The following TRAPPC3L variants were observed in gnomAD, a reference collection of about 807,000 sequenced individuals.
The protein encoded by TRAPPC3L is trafficking protein particle complex subunit 3-like protein.
A neutral mutation model predicts 23.7 loss-of-function variants in TRAPPC3L; 23 were observed. That is an observed-to-expected ratio of 0.97 (90% CI 0.70 to 1.37). The LOEUF is 1.37. Ranked by LOEUF, TRAPPC3L falls within the 40% of genes most tolerant of loss-of-function variation. The pLI, the probability that TRAPPC3L is intolerant of heterozygous loss-of-function variation, is 0.00. For synonymous variants in TRAPPC3L, 81 were observed against 77.9 expected, an observed-to-expected ratio of 1.04 and a Z score of -0.21; for missense variants, 212 against 216.8, an observed-to-expected ratio of 0.98 and a Z score of 0.14.
intron 1 of TRAPPC3L, chr6:116,543,661 C>T (rs1388963571): frequency 1.8e-5 from 13 of 714,718 alleles, no homozygotes; most frequent in African/African-American, 3.6e-5. Context: ...CATTTGCTTA[C>T]ATGATAACTT....
At chr6:116,517,860 A>G (rs1432109899) in intron 3 of TRAPPC3L, 6 of 152,194 alleles carry the variant, frequency 3.9e-5, no homozygotes, top group African/African-American at 1.2e-4. Context: ...TGAGTCGATC[A>G]CAAATGGATA....
At chr6:116,532,837 A>G (rs1391372682) in intron 3 of TRAPPC3L, among the ~76,000 whole-genome samples, 1 of 152,248 alleles carries the variant, frequency 6.6e-6, no homozygotes, top group Non-Finnish European at 1.5e-5. Context: ...TAGGTTAAGT[A>G]AGGTTAATCA....
intron 2 of TRAPPC3L, among the ~76,000 whole-genome samples, chr6:116,541,755 T>A (rs1388072975): frequency 1.3e-5 from 2 of 152,208 alleles, no homozygotes; most frequent in African/African-American, 2.4e-5. Context: ...ATTCTCACTT[T>A]GCATATCCAC....
chr6:116,527,524 A>AC (rs1487380546), intron 3 of TRAPPC3L, among the ~76,000 whole-genome samples: 2 of 149,472 alleles, frequency 1.3e-5, no homozygotes, highest in African/African-American at 2.5e-5. Context: ...CAAAACAAAA[A>AC]AAAAAAAAAA....
At chr6:116,540,859 C>T (rs1037049525) in intron 2 of TRAPPC3L, among the ~76,000 whole-genome samples, 1 of 151,918 alleles carries the variant, frequency 6.6e-6, no homozygotes, top group African/African-American at 2.4e-5. Context: ...TGTGTGATAC[C>T]CGGATGCTCG....
chr6:116,532,271 T>C (rs771477106), intron 3 of TRAPPC3L, among the ~76,000 whole-genome samples: 2 of 152,210 alleles, frequency 1.3e-5, no homozygotes, highest in Non-Finnish European at 2.9e-5. Flanking sequence ...TTGTCTTTTT[T>C]TTCCTTTTTC....
At chr6:116,519,949 A>C (rs1237068070) in intron 3 of TRAPPC3L, 1 of 152,222 alleles carries the variant, frequency 6.6e-6, no homozygotes, top group Non-Finnish European at 1.5e-5. Flanking sequence ...GTGGGAGAAA[A>C]AAAGGTATGT....
intron 3 of TRAPPC3L, among the ~76,000 whole-genome samples, chr6:116,533,976 T>G (rs1205674510): frequency 1.3e-5 from 2 of 152,156 alleles, no homozygotes; most frequent in African/African-American, 2.4e-5. Context: ...CACAGCAGCC[T>G]TCTCCACTAT....
chr6:116,495,976 G>A lies in TRAPPC3L; in HGVS notation c.*978C>T, dbSNP rs576810374. The A allele has an allele frequency of 3.3e-5, 5 of 152,246 alleles. No individual in the cohort carries two copies. Among genetic ancestry groups the A allele is most frequent in the South Asian group, 2.1e-4 (1 of 4,828 alleles). 9.4% of individuals were successfully genotyped at this position (152,246 alleles called of 1,614,324 possible). On this transcript the variant is annotated 3_prime_UTR_variant, in exon 5 of 5. Coordinates refer to ENST00000368602, the MANE Select transcript of TRAPPC3L (RefSeq NM_001139444.3). ...GTTTACAAATATTTTCTCCAATTCC[G>A]TAGGGTGGTATCACACTAATTATAA...
At chr6:116,515,986 G>A (rs1368807488) in intron 3 of TRAPPC3L, 1 of 1,586,816 alleles carries the variant, frequency 6.3e-7, no homozygotes, top group Non-Finnish European at 8.6e-7. Flanking sequence ...CCCACAATAT[G>A]TAGCTCATCC....
chr6:116,527,187 A>G (rs901795247), intron 3 of TRAPPC3L, among the ~76,000 whole-genome samples: 1 of 152,162 alleles, frequency 6.6e-6, no homozygotes, highest in Non-Finnish European at 1.5e-5. Flanking sequence ...CCAATTCAGT[A>G]GGTAAGTGTT....
chr6:116,499,641 A>C (rs567442965), intron 4 of TRAPPC3L, among the ~76,000 whole-genome samples: 1 of 151,910 alleles, frequency 6.6e-6, no homozygotes, highest in Non-Finnish European at 1.5e-5. Flanking sequence ...TGAGTGAAAC[A>C]CTCTTTTTGT....
At chr6:116,538,171 T>C (rs572336963) in intron 3 of TRAPPC3L, among the ~76,000 whole-genome samples, 1 of 152,348 alleles carries the variant, frequency 6.6e-6, no homozygotes, top group African/African-American at 2.4e-5. Context: ...CTCTTCTGAG[T>C]CTCTTCAGAA....
At chr6:116,516,053 AT>A in intron 3 of TRAPPC3L, 1 of 1,501,372 alleles carries the variant, frequency 6.7e-7, no homozygotes, top group Non-Finnish European at 8.9e-7. Flanking sequence ...CTCCTAACGT[AT>A]CACCAGCAAC....
chr6:116,514,435 T>C (rs930529121), intron 3 of TRAPPC3L, among the ~76,000 whole-genome samples: 7 of 152,222 alleles, frequency 4.6e-5, no homozygotes, highest in Non-Finnish European at 7.3e-5. Flanking sequence ...ATGAGTTCAG[T>C]AACACATTTA....
intron 3 of TRAPPC3L, among the ~76,000 whole-genome samples, chr6:116,506,076 G>A (rs1011250041): frequency 2.6e-5 from 4 of 152,090 alleles, no homozygotes; most frequent in Admixed American, 1.3e-4. Context: ...ATCAGACTGA[G>A]CAGGCAACCT....
chr6:116,534,386 T>C (rs7769839), intron 3 of TRAPPC3L, among the ~76,000 whole-genome samples: 26,003 of 152,170 alleles, frequency 0.17, 2,340 homozygotes, highest in East Asian at 0.35. Flanking sequence ...TCAGGAGTTT[T>C]GGCTTGAAAT....
intron 1 of TRAPPC3L, chr6:116,543,782 A>G (rs770455434): frequency 3.3e-6 from 5 of 1,519,478 alleles, no homozygotes; most frequent in Admixed American, 4.0e-5. Flanking sequence ...CAAGAATTGG[A>G]TAAGACTTCT....
chr6:116,519,085 A>G (rs1772283777), intron 3 of TRAPPC3L: 1 of 152,228 alleles, frequency 6.6e-6, no homozygotes, highest in African/African-American at 2.4e-5. Flanking sequence ...GGGAATGGGT[A>G]TCTAGAGGCA....
Sources: gnomAD v4.1 joint callset for allele counts (sites outside exome capture counted in the v4.1 genomes callset) on GRCh38, gnomAD v4.1.1 for gene constraint, MANE v1.5 for transcripts, NCBI Gene and HGNC (gene_info 2026-07-23, HGNC 2026-07-21) for gene names.